Variants in TMC1 observed in about 807,000 individuals in gnomAD.
TMC1 encodes transmembrane channel-like protein 1.
Under a neutral mutation model 105.8 loss-of-function variants are expected in TMC1, and 84 were observed. The observed-to-expected ratio is 0.79, with a 90% CI of 0.67 to 0.95. The LOEUF (loss-of-function observed/expected upper bound fraction) is 0.95. Among genes scored for constraint, TMC1 ranks in the 40% least tolerant of loss-of-function variants. The pLI is 0.00. For synonymous variants in TMC1, 315 were observed against 311.5 expected (o/e 1.01, Z -0.12); for missense variants, 817 against 914.1 (o/e 0.89, Z 1.37).
chr9:72,714,374 T>C (rs1826885413), intron 8 of TMC1, among the ~76,000 whole-genome samples: 1 of 152,186 alleles, frequency 6.6e-6, no homozygotes. Flanking sequence ...TGTTAAAGTC[T>C]CATGCTATTA....
At chr9:72,592,839 GAGA>G (rs1179281521) in intron 2 of TMC1, among the ~76,000 whole-genome samples, 1 of 152,188 alleles carries the variant, frequency 6.6e-6, no homozygotes, top group Non-Finnish European at 1.5e-5. Flanking sequence ...CAGGAAGAGG[GAGA>G]AGCAGTTACC....
In TMC1 at chr9:72,751,850, G is replaced by A. The variant is rs770640925; in HGVS notation, c.536G>A (p.Ser179Asn). 6.3e-7 allele frequency: 1 copy of A among 1,594,176 alleles called. No individual in the cohort carries two copies. Among genetic ancestry groups the A allele is most frequent in the East Asian group, 2.2e-5 (1 of 44,780 alleles). ...AAACTTTTTATTTTCTTTGTAATAGGTCAGTTTGGCTCCTCAGTGGCCTCA... is the reference window on the plus strand; with the variant it reads ...AAACTTTTTATTTTCTTTGTAATAGATCAGTTTGGCTCCTCAGTGGCCTCA... ...PWENKIKAIE[S>N]QFGSSVASYF... The change falls in exon 11 of 24, where the codon AGT becomes AAT. Residue 179 changes from serine (S) to asparagine (N), a missense_variant and splice_region_variant. Coordinates refer to ENST00000297784, the MANE Select transcript of TMC1 (RefSeq NM_138691.3).
At chr9:72,807,814 A>T (rs569674403) in intron 18 of TMC1, among the ~76,000 whole-genome samples, 6 of 152,226 alleles carry the variant, frequency 3.9e-5, no homozygotes, top group Non-Finnish European at 8.8e-5. Context: ...GCTGTCATGC[A>T]TCTGGCAAGT....
intron 9 of TMC1, chr9:72,741,058 T>G (rs1827380345): frequency 6.4e-6 from 1 of 156,430 alleles, no homozygotes; most frequent in Admixed American, 6.5e-5. Flanking sequence ...GACAATGTAT[T>G]TACCCATTCT....
At chr9:72,762,341 G>A (rs1336455414) in intron 12 of TMC1, among the ~76,000 whole-genome samples, 1 of 152,168 alleles carries the variant, frequency 6.6e-6, no homozygotes, top group African/African-American at 2.4e-5. Flanking sequence ...CAAGGAGGTG[G>A]CATCTGGAGG....
At chr9:72,633,882 C>T (rs1351549410) in intron 4 of TMC1, among the ~76,000 whole-genome samples, 1 of 152,140 alleles carries the variant, frequency 6.6e-6, no homozygotes, top group Admixed American at 6.5e-5. Context: ...GGACTAAAAG[C>T]TCAGTCTCAT....
intron 4 of TMC1, among the ~76,000 whole-genome samples, chr9:72,641,397 C>T (rs903146192): frequency 1.4e-4 from 21 of 152,072 alleles, no homozygotes; most frequent in Non-Finnish European, 2.9e-5. Context: ...CCAGCCTCAC[C>T]CTGGACTTTA....
At chr9:72,770,096 A>G (rs1827900837) in intron 12 of TMC1, among the ~76,000 whole-genome samples, 2 of 151,962 alleles carry the variant, frequency 1.3e-5, no homozygotes, top group South Asian at 4.2e-4. Context: ...TGGGATGAAG[A>G]TTTCTGGGTC....
chr9:72,830,578 C>G, intron 22 of TMC1, 49 bp downstream of exon 22: 1 of 1,596,164 alleles, frequency 6.3e-7, no homozygotes, highest in Non-Finnish European at 8.6e-7. Flanking sequence ...TAATGTCAAG[C>G]AGTAGAAAAC....
At chr9:72,721,237 C>G (rs1490087186) in intron 8 of TMC1, among the ~76,000 whole-genome samples, 1 of 152,138 alleles carries the variant, frequency 6.6e-6, no homozygotes. Flanking sequence ...GTTCCTCCTC[C>G]CCTTTCCTGC....
In TMC1 at chr9:72,666,799, C is replaced by T. The variant is rs369154314; in HGVS notation, c.16+18135C>T. 1.8e-3 allele frequency among the ~76,000 whole-genome samples: 275 copies of T among 152,230 alleles called. 1 individual carries two copies. Among genetic ancestry groups the T allele is most frequent in the African/African-American group, 6.3e-3 (263 of 41,526 alleles). On this transcript the variant is annotated intron_variant, in intron 5 of 23. Transcript: ENST00000297784. ...CGTGGTGGCCTCATGCTGGTAATCC[C>T]AGCACTTTGGAAGACTGAGGTGGGA...
In TMC1 at chr9:72,817,125, C is replaced by G. The variant is rs755393399; in HGVS notation, c.1763+915C>G. The G allele has an allele frequency of 2.6e-5, 4 of 152,234 alleles. No homozygotes were observed. The South Asian group carries it at 8.3e-4, about 32-fold the overall frequency. 9.4% of individuals were successfully genotyped at this position (152,234 alleles called of 1,614,324 possible). A position where few individuals can be genotyped will look rare whatever the true frequency, so the allele number is the denominator to read the frequency against. On this transcript the variant is annotated intron_variant, in intron 19 of 23. Transcript: ENST00000297784. ...TTAAACCTTTGGGTGCTGACAGACACCGGACCCCTCTGCAAATGCTAAAAC... is the reference window on the plus strand; with the variant it reads ...TTAAACCTTTGGGTGCTGACAGACAGCGGACCCCTCTGCAAATGCTAAAAC...
intron 18 of TMC1, 110 bp from the exon 19 acceptor site, chr9:72,816,033 T>C: frequency 1.1e-6 from 1 of 895,264 alleles, no homozygotes; most frequent in South Asian, 1.3e-5. Flanking sequence ...ATTCTGCTAT[T>C]GTTGCTGAAG....
intron 17 of TMC1, among the ~76,000 whole-genome samples, chr9:72,795,679 G>A (rs1222350794): frequency 6.6e-6 from 1 of 152,134 alleles, no homozygotes; most frequent in African/African-American, 2.4e-5. Flanking sequence ...ACTATTTGCA[G>A]CTAATACAAA....
chr9:72,751,700 A>G, intron 10 of TMC1, 150 bp from the exon 11 acceptor site: 1 of 636,314 alleles, frequency 1.6e-6, no homozygotes, highest in Non-Finnish European at 2.8e-6. Flanking sequence ...CTTCCTGAAT[A>G]GAGAGAAAAG....
chr9:72,793,589 C>T (rs2118198977), intron 17 of TMC1, among the ~76,000 whole-genome samples: 1 of 152,332 alleles, frequency 6.6e-6, no homozygotes, highest in African/African-American at 2.4e-5. Context: ...TCTCCAACCA[C>T]CTCCTACAGG....
intron 5 of TMC1, among the ~76,000 whole-genome samples, chr9:72,667,633 C>T (rs574939302): frequency 5.9e-5 from 9 of 152,304 alleles, no homozygotes; most frequent in South Asian, 2.1e-4. Flanking sequence ...GATAATAACA[C>T]ACGCACCAGT....
At chr9:72,693,366 T>C (rs1438151210) in intron 6 of TMC1, among the ~76,000 whole-genome samples, 3 of 152,190 alleles carry the variant, frequency 2.0e-5, no homozygotes, top group Admixed American at 6.5e-5. Context: ...AATAGATACA[T>C]TTATAGATAA....
chr9:72,565,169 C>T (rs1343224558), intron 1 of TMC1, among the ~76,000 whole-genome samples: 2 of 152,192 alleles, frequency 1.3e-5, no homozygotes, highest in African/African-American at 2.4e-5. Flanking sequence ...TGTTACTAAA[C>T]ACTTTCTATT....
Sources: allele counts gnomAD v4.1 joint callset (sites outside exome capture counted in the v4.1 genomes callset), GRCh38; gene constraint gnomAD v4.1.1; transcripts MANE v1.5; gene names NCBI Gene and HGNC (gene_info 2026-07-23, HGNC 2026-07-21).